Variants in ZNF516 observed in about 807,000 individuals in gnomAD.
The protein encoded by ZNF516 is zinc finger protein 516.
Under a neutral mutation model 79.7 loss-of-function variants are expected in ZNF516, and 19 were observed. The observed-to-expected ratio is 0.24, with a 90% confidence interval of 0.17 to 0.35. The LOEUF (loss-of-function observed/expected upper bound fraction) is 0.35. Ranked by LOEUF, ZNF516 falls within the 10% of genes least tolerant of loss-of-function variation. The probability of loss-of-function intolerance (pLI) is 1.00; values close to 1 mark genes in which losing one functional copy is unlikely to be tolerated. For synonymous variants in ZNF516, 877 were observed against 739.5 expected, an observed-to-expected ratio of 1.19 and a Z score of -3.02; for missense variants, 1,678 against 1,679.5, an observed-to-expected ratio of 1.00 and a Z score of 0.02.
chr18:76,473,917 G>GGGGGGGTTTTT (rs1376026558), intron 1 of ZNF516, among the ~76,000 whole-genome samples: 1 of 107,658 alleles, frequency 9.3e-6, no homozygotes, highest in Non-Finnish European at 2.0e-5. Flanking sequence ...GGGGGGGGGG[G>GGGGGGGTTTTT]CTTTCTTTTT....
chr18:76,384,653 G>A (rs192912245), intron 3 of ZNF516, among the ~76,000 whole-genome samples: 38 of 149,270 alleles, frequency 2.5e-4, no homozygotes, highest in African/African-American at 7.7e-4. Flanking sequence ...TTGATGTTTC[G>A]GTGGCCCTGA....
intron 1 of ZNF516, among the ~76,000 whole-genome samples, chr18:76,463,985 G>A (rs771815416): frequency 2.0e-5 from 3 of 152,076 alleles, no homozygotes; most frequent in Non-Finnish European, 4.4e-5. Context: ...ATCACTTCCC[G>A]TTCTTTACGG....
chr18:76,382,820 C>T (rs377335208), intron 3 of ZNF516, among the ~76,000 whole-genome samples: 1 of 152,188 alleles, frequency 6.6e-6, no homozygotes, highest in East Asian at 1.9e-4. Context: ...CCCAGGAGAG[C>T]GGATCATTTG....
chr18:76,462,917 A>G (rs996415742), intron 2 of ZNF516, 111 bp downstream of exon 2: 6 of 152,156 alleles, frequency 3.9e-5, no homozygotes, highest in African/African-American at 1.4e-4. Context: ...TGCCAAGAAA[A>G]GCGACCCTAC....
At chr18:76,395,003 C>G (rs1164655623) in intron 3 of ZNF516, among the ~76,000 whole-genome samples, 2 of 152,162 alleles carry the variant, frequency 1.3e-5, no homozygotes, top group Admixed American at 6.5e-5. Flanking sequence ...AAACTCAGTC[C>G]CGATTCCAAC....
At chr18:76,382,230 G>A (rs1388615965) in intron 3 of ZNF516, among the ~76,000 whole-genome samples, 1 of 152,212 alleles carries the variant, frequency 6.6e-6, no homozygotes, top group Admixed American at 6.5e-5. Context: ...ACAGTGGTAT[G>A]AGAAAGGAGA....
rs1418972000 is a variant in ZNF516, at chr18:76,431,933, C to T, written c.1810+9312G>A. Among the ~76,000 whole-genome samples, 5 of 152,206 alleles carry T rather than the reference C, an allele frequency of 3.3e-5. No homozygotes were observed. In the South Asian group the frequency reaches 6.2e-4, roughly 19 times the overall value. ...TGCACCAGCAGTGCCCCATGCATTC[C>T]GCCTCCAGGTGTGTTCAGGCGGCCC... On this transcript the variant is annotated intron_variant, in intron 3 of 6. Transcript: ENST00000443185.
intron 1 of ZNF516, among the ~76,000 whole-genome samples, chr18:76,475,682 C>T (rs1190277261): frequency 6.6e-6 from 1 of 152,140 alleles, no homozygotes. Flanking sequence ...CAAATCTGTG[C>T]CAGTGGGTCC....
chr18:76,419,928 A>G (rs1195675986), intron 3 of ZNF516, among the ~76,000 whole-genome samples: 1 of 152,256 alleles, frequency 6.6e-6, no homozygotes, highest in Non-Finnish European at 1.5e-5. Flanking sequence ...CCAGCCTGGA[A>G]GCCAGGAGTC....
At chr18:76,404,379 ACGG>A (rs2075272189) in intron 3 of ZNF516, among the ~76,000 whole-genome samples, 2 of 152,236 alleles carry the variant, frequency 1.3e-5, no homozygotes, top group East Asian at 1.9e-4. Flanking sequence ...ATGTGTGTGA[ACGG>A]CAGTTTTAGA....
At chr18:76,416,050 T>C (rs146153893) in intron 3 of ZNF516, among the ~76,000 whole-genome samples, 1 of 152,370 alleles carries the variant, frequency 6.6e-6, no homozygotes, top group East Asian at 1.9e-4. Context: ...TACATCCTCC[T>C]GTACTAAGTG....
At chr18:76,422,629 T>TA (rs1040628751) in intron 3 of ZNF516, among the ~76,000 whole-genome samples, 15 of 151,858 alleles carry the variant, frequency 9.9e-5, no homozygotes, top group African/African-American at 3.6e-4. Flanking sequence ...GAAGCAGACA[T>TA]ACCCTAGCAC....
At position 76,467,199 on chromosome 18, in the gene ZNF516, GCAGC is replaced by G. The variant is rs1311375026; in HGVS notation, c.-271-4062_-271-4059del. Among the ~76,000 whole-genome samples the G allele has an allele frequency of 3.8e-4, 22 of 57,194 alleles. No homozygotes were observed. Among genetic ancestry groups the G allele is most frequent in the African/African-American group, 1.2e-3 (18 of 15,382 alleles). 37.5% of individuals were successfully genotyped at this position (57,194 alleles called of 152,430 possible). ...AAGTCCTGCGTGTCTCTCGGAACCT[GCAGC>G]TCACAGCCCCTCTGGGCTGGCAGGA... On this transcript the variant is annotated intron_variant, in intron 1 of 6. Transcript: ENST00000443185. The surrounding 1 kb of genome is among the most constrained non-coding windows in gnomAD (Gnocchi z 4.2).
At chr18:76,375,324 G>A (rs1014466262) in intron 4 of ZNF516, among the ~76,000 whole-genome samples, 1 of 152,140 alleles carries the variant, frequency 6.6e-6, no homozygotes, top group African/African-American at 2.4e-5. Flanking sequence ...GACAGGGAAG[G>A]CCCCAGAGAA....
At chr18:76,496,209 C>G, upstream of ZNF516, 1 of 1,219,778 alleles carries the variant, frequency 8.2e-7, no homozygotes, top group Non-Finnish European at 1.1e-6. Context: ...GCGAGCGCCC[C>G]TTCACGGCCG....
At chr18:76,480,085 C>CT (rs5826457) in intron 1 of ZNF516, among the ~76,000 whole-genome samples, 66,853 of 149,310 alleles carry the variant, frequency 0.45, 15,237 homozygotes, top group African/African-American at 0.55. Flanking sequence ...TCCTATAAGG[C>CT]TGCCAAGTGG....
At chr18:76,461,781 T>A (rs689337) in intron 2 of ZNF516, among the ~76,000 whole-genome samples, 1 of 152,358 alleles carries the variant, frequency 6.6e-6, no homozygotes, top group South Asian at 2.1e-4. Context: ...GCTTGAGGCT[T>A]GTCGCCAACA....
intron 3 of ZNF516, among the ~76,000 whole-genome samples, chr18:76,404,996 C>T (rs867484024): frequency 9.9e-5 from 15 of 152,146 alleles, no homozygotes; most frequent in Admixed American, 3.3e-4. Flanking sequence ...CATGCAGCAA[C>T]CCAGGTATAA....
chr18:76,409,328 T>C (rs1365670488), intron 3 of ZNF516, among the ~76,000 whole-genome samples: 2 of 152,248 alleles, frequency 1.3e-5, no homozygotes, highest in Admixed American at 6.5e-5. Flanking sequence ...ATATTCATTA[T>C]TGAAATTAAT....
Sources: allele counts gnomAD v4.1 joint callset (sites outside exome capture counted in the v4.1 genomes callset), GRCh38; gene constraint gnomAD v4.1.1; non-coding constraint Gnocchi (gnomAD v3.1); transcripts MANE v1.5; gene names NCBI Gene and HGNC (gene_info 2026-07-23, HGNC 2026-07-21).